The following ALG1 variants were observed in gnomAD, a reference collection of about 807,000 sequenced individuals.
ALG1 encodes the protein chitobiosyldiphosphodolichol beta-mannosyltransferase.
ALG1 carries 58 observed loss-of-function variants against 55.1 expected under a neutral mutation model. The observed-to-expected ratio is 1.05, with a 90% confidence interval of 0.85 to 1.31. The LOEUF (loss-of-function observed/expected upper bound fraction) is 1.31, where lower values mean the gene tolerates loss of function less well. Ranked by LOEUF, ALG1 falls within the 50% of genes most tolerant of loss-of-function variation. The probability of loss-of-function intolerance (pLI) is 0.00; values close to 1 mark genes in which losing one functional copy is unlikely to be tolerated. For synonymous variants in ALG1, 309 were observed against 247.0 expected (o/e 1.25, Z -2.35); for missense variants, 761 against 598.6 (o/e 1.27, Z -2.83).
chr16:5,078,682 C>G (rs755682463), intron 6 of ALG1, 75 bp from the exon 7 acceptor site: 32 of 1,611,250 alleles, frequency 2.0e-5, no homozygotes, highest in Non-Finnish European at 2.6e-5. Flanking sequence ...CAGGCCTCGC[C>G]ACGGCAGGAG....
In ALG1 at chr16:5,084,774, C is replaced by A. The variant is rs376032057; in HGVS notation, c.1288C>A (p.Pro430Thr). Residue 430 changes from proline (P) to threonine (T), a missense_variant, in exon 13 of 13, where the codon CCT becomes ACT. Transcript: ENST00000262374. ...LQMLFSNFPD[P>T]AGKLNQFRKN... ...GATGCTTTTCTCAAACTTTCCTGAT[C>A]CTGCGGGCAAGCTAAACCAGTTCCG... The A allele has an allele frequency of 4.4e-5, 71 of 1,596,330 alleles. No individual in the cohort carries two copies. The highest frequency in any genetic ancestry group is 3.3e-4 in the African/African-American group (25 of 74,846).
chr16:5,083,876 G>C, intron 12 of ALG1, 119 bp downstream of exon 12: 1 of 1,465,034 alleles, frequency 6.8e-7, no homozygotes, highest in East Asian at 2.4e-5. Flanking sequence ...TGGCGGAAAA[G>C]CTAGGGAGGG....
intron 4 of ALG1, among the ~76,000 whole-genome samples, chr16:5,076,590 C>T (rs1288818675): frequency 1.3e-5 from 2 of 152,198 alleles, no homozygotes; most frequent in Admixed American, 6.5e-5. Flanking sequence ...GATACCCTGG[C>T]GGTGATAAAT....
Position 5,079,777 on chromosome 16 carries a change from A to T in ALG1, c.931A>T (p.Asn311Tyr). 1.2e-6 allele frequency: 2 copies of T among 1,611,824 alleles called. No homozygotes were observed. The highest frequency in any genetic ancestry group is 2.7e-5 in the African/African-American group (2 of 74,932). Residue 311 changes from asparagine to tyrosine, a missense_variant, in exon 9 of 13, where the codon AAC becomes TAC. Physicochemically the swap from Asn to Tyr is moderately radical, Grantham distance 143 (BLOSUM62 -2). Transcript: ENST00000262374. ...KFEQLTLDGH[N>Y]LPSLVCVITG... ...TGAACAACTGACTCTTGATGGACAC[A>T]ACCTTCCTTCTCTCGTCTGTGTGAT...
rs77926674 is a variant in ALG1, at chr16:5,075,603, C to T, written c.539+67C>T. ...ACTCAAGGATGAGTGAGAAGAAGGG[C>T]CATAGTGGGCCTCCGGAAGTCGGTT... On this transcript the variant is annotated intron_variant, in intron 4 of 12. Transcript: ENST00000262374. The T allele has an allele frequency of 1.5e-4, 243 of 1,595,024 alleles. 1 individual carries two copies. The East Asian group carries it at 5.4e-3, about 35-fold the overall frequency.
intron 10 of ALG1, among the ~76,000 whole-genome samples, chr16:5,081,492 C>T (rs751315988): frequency 5.3e-5 from 8 of 152,340 alleles, no homozygotes; most frequent in South Asian, 4.1e-4. Flanking sequence ...GGTCCTGATG[C>T]GTCTCTAGAG....
In ALG1 at chr16:5,072,008, G is replaced by C. The variant is rs776772780; in HGVS notation, c.159G>C (p.Ala53=). Reference sequence around the variant, plus strand: ...GCAGCCCCCGTATGCAGTACCACGCGCTGTCGTTGGCCATGCACGGCTTCT... The same window carrying C: ...GCAGCCCCCGTATGCAGTACCACGCCCTGTCGTTGGCCATGCACGGCTTCT... ...VGRSPRMQYH[A]LSLAMHGFSV... Residue 53 remains alanine, a synonymous_variant, in exon 1 of 13, where the codon GCG becomes GCC. Transcript: ENST00000262374. The C allele has an allele frequency of 5.0e-6, 8 of 1,597,506 alleles. No individual in the cohort carries two copies. The Admixed American group carries it at 1.0e-4, about 21-fold the overall frequency.
intron 12 of ALG1, 67 bp downstream of exon 12, chr16:5,083,824 T>C: frequency 6.3e-7 from 1 of 1,595,252 alleles, no homozygotes; most frequent in Non-Finnish European, 8.5e-7. Context: ...CCAGGCTCCC[T>C]GATCCCTGCT....
intron 4 of ALG1, among the ~76,000 whole-genome samples, chr16:5,075,989 T>G (rs1384350024): frequency 6.6e-6 from 1 of 152,142 alleles, no homozygotes; most frequent in Non-Finnish European, 1.5e-5. Flanking sequence ...AGCATCCATA[T>G]CTCATGGACA....
intron 5 of ALG1, 106 bp from the exon 6 acceptor site, chr16:5,077,800 GA>G: frequency 1.7e-6 from 2 of 1,206,880 alleles, no homozygotes; most frequent in Middle Eastern, 2.7e-4. Context: ...GTCATCATCT[GA>G]GACTTGGATT....
chr16:5,083,799 G>A (rs746499667), intron 12 of ALG1, 42 bp downstream of exon 12: 7 of 1,597,420 alleles, frequency 4.4e-6, no homozygotes, highest in South Asian at 3.3e-5. Context: ...GAGGGTTCTG[G>A]AGACTGGCAC....
At chr16:5,078,600 G>A in intron 6 of ALG1, 157 bp from the exon 7 acceptor site, 1 of 1,298,704 alleles carries the variant, frequency 7.7e-7, no homozygotes, top group African/African-American at 1.5e-5. Context: ...GAGAAAGCAA[G>A]CCCAGGCCTC....
intron 10 of ALG1, 39 bp downstream of exon 10, chr16:5,081,095 G>C (rs781678437): frequency 7.7e-5 from 36 of 467,270 alleles, no homozygotes; most frequent in Non-Finnish European, 1.2e-4. Context: ...GAGGCGGGGG[G>C]AACAGGGTGG....
At position 5,084,886 on chromosome 16, in the gene ALG1, T is replaced by A; in HGVS notation, c.*5T>A. ...CCTTTGGTTATGGACACATAACTCC[T>A]GGGCCAGAGGCTAAAACCCCAGGAC... On this transcript the variant is annotated 3_prime_UTR_variant, in exon 13 of 13. Transcript: ENST00000262374. 2.5e-6 allele frequency: 4 copies of A among 1,584,322 alleles called. No individual in the cohort carries two copies. The highest frequency in any genetic ancestry group is 3.4e-6 in the Non-Finnish European group (4 of 1,173,594).
chr16:5,076,862 T>C (rs558423252), intron 4 of ALG1, among the ~76,000 whole-genome samples: 71 of 145,382 alleles, frequency 4.9e-4, no homozygotes, highest in African/African-American at 1.7e-3. Context: ...TGGCGCCATC[T>C]CGGCTCACTG....
intron 10 of ALG1, among the ~76,000 whole-genome samples, chr16:5,081,769 C>G (rs188398694): frequency 6.6e-6 from 1 of 152,146 alleles, no homozygotes; most frequent in African/African-American, 2.4e-5. Flanking sequence ...ACCATGTTGG[C>G]CAGGCTGGTC....
In ALG1 at chr16:5,075,617, C is replaced by T. The variant is rs375003510; in HGVS notation, c.539+81C>T. 2.4e-4 allele frequency: 371 copies of T among 1,571,318 alleles called. 4 individuals carry two copies. The East Asian group carries it at 5.7e-3, about 24-fold the overall frequency. On this transcript the variant is annotated intron_variant, in intron 4 of 12. Transcript: ENST00000262374. The stretch of plus-strand genomic sequence containing the variant: ...GAGAAGAAGGGCCATAGTGGGCCTC[C>T]GGAAGTCGGTTCCTTGTGGGCTCTG...
intron 10 of ALG1, among the ~76,000 whole-genome samples, chr16:5,082,061 G>T (rs1045265857): frequency 6.6e-6 from 1 of 152,050 alleles, no homozygotes; most frequent in Non-Finnish European, 1.5e-5. Context: ...TCCTGCCTCA[G>T]CCTCCCGAGT....
At position 5,083,719 on chromosome 16, in the gene ALG1, G is replaced by A. The variant is rs1348680248; in HGVS notation, c.1225G>A (p.Val409Ile). The part of the protein sequence containing the change: ...ELVKHEENGL[V>I]FEDSEELAAQ... ...GGTGAAACATGAAGAAAATGGCCTG[G>A]TCTTTGAGGACTCAGAGGAACTGGC... The change falls in exon 12 of 13, where the codon GTC becomes ATC. Residue 409 changes from valine to isoleucine, a missense_variant. Val to Ile is a conservative substitution (Grantham distance 29). Transcript: ENST00000262374. 1 of 1,598,842 alleles carries A rather than the reference G, an allele frequency of 6.3e-7. No individual in the cohort carries two copies. The highest frequency in any genetic ancestry group is 1.1e-5 in the South Asian group (1 of 90,992).
Sources: allele counts gnomAD v4.1 joint callset (sites outside exome capture counted in the v4.1 genomes callset), GRCh38; gene constraint gnomAD v4.1.1; transcripts MANE v1.5; gene names NCBI Gene and HGNC (gene_info 2026-07-23, HGNC 2026-07-21).